The following CASK variants were observed in gnomAD, a reference collection of about 807,000 sequenced individuals.
CASK encodes the protein calcium/calmodulin dependent serine protein kinase.
In CASK, 4 loss-of-function variants were observed where a neutral mutation model predicts 82.9. That is an observed-to-expected ratio of 0.05 (90% CI 0.02 to 0.11). The LOEUF is 0.11. Ranked by LOEUF, CASK falls within the 10% of genes least tolerant of loss-of-function variation. The pLI is 1.00. For missense variants in CASK, 358 were observed against 720.9 expected (o/e 0.50, Z 5.76); for synonymous variants, 259 against 253.5 (o/e 1.02, Z -0.20).
intron 2 of CASK, among the ~76,000 whole-genome samples, chrX:41,812,133 G>C (rs946639955): frequency 1.8e-5 from 2 of 111,799 alleles, no homozygotes; most frequent in Admixed American, 9.5e-5. Context: ...GGACCCGACA[G>C]ATTCACAGCC....
intron 1 of CASK, among the ~76,000 whole-genome samples, chrX:41,895,292 T>C (rs2072253564): frequency 8.9e-6 from 1 of 112,112 alleles, no homozygotes. Flanking sequence ...TCCGAACTTA[T>C]CTGTAAGAGA....
At chrX:41,834,821 A>G (rs918522503) in intron 2 of CASK, among the ~76,000 whole-genome samples, 11 of 112,597 alleles carry the variant, frequency 9.8e-5, no homozygotes, top group Non-Finnish European at 2.1e-4. Context: ...TTAACAAAAG[A>G]CACTTCTTAG....
intron 5 of CASK, among the ~76,000 whole-genome samples, chrX:41,702,354 C>T (rs1256420612): frequency 9.1e-6 from 1 of 110,153 alleles, no homozygotes; most frequent in African/African-American, 3.3e-5. Flanking sequence ...CATTGTACTC[C>T]AGCCTGGGCA....
intron 1 of CASK, among the ~76,000 whole-genome samples, chrX:41,874,236 T>C (rs2071768661): frequency 1.8e-5 from 2 of 111,847 alleles, no homozygotes; most frequent in Admixed American, 9.4e-5. Flanking sequence ...GTTAGCTACA[T>C]AGGTAAACGT....
At chrX:41,524,067 TAAAAG>T in intron 25 of CASK, 33 bp from the exon 26 acceptor site, 1 of 960,662 alleles carries the variant, frequency 1.0e-6, no homozygotes, top group Non-Finnish European at 1.5e-6. Flanking sequence ...AATCCCGACT[TAAAAG>T]AAGAAATAAC....
chrX:41,631,447 CAT>C (rs1362635076), intron 9 of CASK, among the ~76,000 whole-genome samples: 1 of 111,240 alleles, frequency 9.0e-6, no homozygotes, highest in Non-Finnish European at 1.9e-5. Flanking sequence ...GAAAAAACAA[CAT>C]ATATCTATAT....
At chrX:41,547,639 T>TG (rs1426099798) in intron 21 of CASK, among the ~76,000 whole-genome samples, 2 of 109,540 alleles carry the variant, frequency 1.8e-5, no homozygotes, top group Admixed American at 9.8e-5. Context: ...TTTTTTTTTT[T>TG]TGAGATGGAG....
intron 3 of CASK, among the ~76,000 whole-genome samples, chrX:41,784,709 T>C (rs1033999565): frequency 9.1e-6 from 1 of 110,448 alleles, no homozygotes; most frequent in Non-Finnish European, 1.9e-5. Context: ...AACCTATCTC[T>C]ACTAAATAAT....
At chrX:41,775,599 G>A (rs1327290492) in intron 3 of CASK, among the ~76,000 whole-genome samples, 2 of 105,791 alleles carry the variant, frequency 1.9e-5, no homozygotes, top group Admixed American at 1.0e-4. Flanking sequence ...TGTTTACTGC[G>A]GCACTATTCC....
intron 1 of CASK, among the ~76,000 whole-genome samples, chrX:41,891,496 C>T (rs1160777237): frequency 8.9e-6 from 1 of 111,830 alleles, no homozygotes; most frequent in Non-Finnish European, 1.9e-5. Flanking sequence ...ATCAATTAGA[C>T]TTATTCAAAG....
intron 2 of CASK, among the ~76,000 whole-genome samples, chrX:41,800,223 T>C (rs766935382): frequency 8.9e-4 from 98 of 110,433 alleles, no homozygotes; most frequent in Non-Finnish European, 1.6e-3. Context: ...CTCCCTGGTT[T>C]TGAGCTGTGG....
chrX:41,729,201 G>C (rs764662768), intron 5 of CASK: 2 of 122,935 alleles, frequency 1.6e-5, no homozygotes, highest in South Asian at 7.5e-4. Context: ...TATTTAGCTG[G>C]ACAATCTTAG....
intron 5 of CASK, among the ~76,000 whole-genome samples, chrX:41,677,692 T>C (rs1204530471): frequency 9.0e-6 from 1 of 111,633 alleles, no homozygotes; most frequent in Non-Finnish European, 1.9e-5. Flanking sequence ...GTAGTAAAAA[T>C]GGAGAAATGG....
At chrX:41,855,983 G>A (rs2071361237) in intron 1 of CASK, among the ~76,000 whole-genome samples, 1 of 112,310 alleles carries the variant, frequency 8.9e-6, no homozygotes, top group Admixed American at 9.4e-5. Context: ...TATGTTAGAA[G>A]TGAATATATC....
intron 1 of CASK, among the ~76,000 whole-genome samples, chrX:41,856,052 ACT>A (rs1193683880): frequency 8.9e-6 from 1 of 112,324 alleles, no homozygotes; most frequent in African/African-American, 3.2e-5. Context: ...GCAGACACAG[ACT>A]AATATCCTCT....
intron 12 of CASK, among the ~76,000 whole-genome samples, chrX:41,596,293 C>T (rs1268638125): frequency 9.0e-6 from 1 of 111,457 alleles, no homozygotes; most frequent in African/African-American, 3.3e-5. Context: ...GTCACAGCCA[C>T]TAAACCCTGT....
chrX:41,881,020 C>T (rs1242310033), intron 1 of CASK, among the ~76,000 whole-genome samples: 1 of 111,616 alleles, frequency 9.0e-6, no homozygotes, highest in Non-Finnish European at 1.9e-5. Context: ...GCTATACTAA[C>T]CATAATTATC....
intron 2 of CASK, among the ~76,000 whole-genome samples, chrX:41,822,411 A>T (rs776985830): frequency 6.1e-4 from 66 of 109,070 alleles, no homozygotes; most frequent in African/African-American, 2.1e-3. Flanking sequence ...ACAAAAGATT[A>T]GCTGGGCGTG....
chrX:41,598,570 C>T (rs1404968876), intron 12 of CASK, among the ~76,000 whole-genome samples: 2 of 111,233 alleles, frequency 1.8e-5, no homozygotes, highest in African/African-American at 6.5e-5. Flanking sequence ...CCATGTTGGA[C>T]AGGCTGGTCT....
Sources: allele counts gnomAD v4.1 joint callset (sites outside exome capture counted in the v4.1 genomes callset), GRCh38; gene constraint gnomAD v4.1.1; transcripts MANE v1.5; gene names NCBI Gene and HGNC (gene_info 2026-07-23, HGNC 2026-07-21).